CDHR5: variants seen among roughly 807,000 people sequenced by gnomAD.
CDHR5 encodes cadherin related family member 5.
CDHR5 carries 82 observed loss-of-function variants against 69.5 expected under a neutral mutation model. The ratio of observed to expected loss-of-function variants is 1.18; its 90% CI spans 0.99 to 1.42. CDHR5 has a LOEUF of 1.42. Among genes scored for constraint, CDHR5 ranks in the 40% most tolerant of loss-of-function variants. The probability of loss-of-function intolerance (pLI) is 0.00; values close to 1 mark genes in which losing one functional copy is unlikely to be tolerated. For synonymous variants in CDHR5, 601 were observed against 510.2 expected (o/e 1.18, Z -2.40); for missense variants, 1,293 against 1,168.9 (o/e 1.11, Z -1.55).
In CDHR5 at chr11:617,374, C is replaced by A; in HGVS notation, c.2515G>T (p.Gly839Cys). Residue 839 changes from glycine (G) to cysteine (C), a missense_variant, in exon 15 of 15, where the codon GGT becomes TGT. Coordinates refer to ENST00000397542, the MANE Select transcript of CDHR5 (RefSeq NM_021924.5). ...GRGGGPYDAP[G>C]GDDSYI ...ACTTAGATGTAGGAGTCATCACCACCGGGCGCATCGTAGGGACCCCCACCC... is the reference window on the plus strand; with the variant it reads ...ACTTAGATGTAGGAGTCATCACCACAGGGCGCATCGTAGGGACCCCCACCC... 6.2e-7 allele frequency: 1 copy of A among 1,608,190 alleles called. No individual in the cohort carries two copies. The highest frequency in any genetic ancestry group is 8.5e-7 in the Non-Finnish European group (1 of 1,177,058).
chr11:620,329 T>C lies in CDHR5; in HGVS notation c.847A>G (p.Ile283Val), dbSNP rs766680767. ...ATGCTGTAGATGATGGGCTGGTTGATGCCGCGGTCTCCGTCCTCAGCGTAG... is the reference window on the plus strand; with the variant it reads ...ATGCTGTAGATGATGGGCTGGTTGACGCCGCGGTCTCCGTCCTCAGCGTAG... The part of the protein sequence containing the change: ...PIYAEDGDRG[I>V]NQPIIYSIFR... Residue 283 changes from isoleucine to valine, a missense_variant, in exon 8 of 15, where the codon ATC (isoleucine) becomes GTC (valine). Transcript: ENST00000397542. The C allele has an allele frequency of 5.6e-6, 9 of 1,612,732 alleles. No homozygotes were observed. The Admixed American group carries it at 1.5e-4, about 27-fold the overall frequency.
rs764016481 is a variant in CDHR5, at chr11:619,151, T to C, written c.1408A>G (p.Thr470Ala). The C allele has an allele frequency of 6.4e-7, 1 of 1,565,964 alleles. No individual in the cohort carries two copies. Among genetic ancestry groups the C allele is most frequent in the African/African-American group, 1.4e-5 (1 of 73,312 alleles). The change falls in exon 13 of 15, where the codon ACA (threonine) becomes GCA (alanine). Residue 470 changes from threonine to alanine, a missense_variant. Transcript: ENST00000397542. ...DVPPSPEAGG[T>A]TGPWTSTTSE... ...GTGGTGCTGGTCCAGGGCCCAGTTG[T>C]TCCTCCAGCCTCTGGGGATGGGGGG...
Position 624,443 on chromosome 11 carries a change from T to G in CDHR5, c.261+114A>C. 2 of 1,074,036 alleles carry G rather than the reference T, an allele frequency of 1.9e-6. No homozygotes were observed. Among genetic ancestry groups the G allele is most frequent in the Non-Finnish European group, 2.9e-6 (2 of 696,696 alleles). 66.5% of individuals were successfully genotyped at this position (1,074,036 alleles called of 1,614,324 possible). A position where few individuals can be genotyped will look rare whatever the true frequency, so the allele number is the denominator to read the frequency against. ...TAGGGCAGGCACCACCAAGCATGGG[T>G]GTCAGTGGATGCCCGCAGGCATAGA... On this transcript the variant is annotated intron_variant, in intron 2 of 14. Transcript: ENST00000397542. The surrounding 1 kb of genome is among the most constrained non-coding windows in gnomAD (Gnocchi z 5.3).
chr11:617,987 G>T lies in CDHR5; in HGVS notation c.2085C>A (p.Gly695=), dbSNP rs1857079087. The change falls in exon 14 of 15, where the codon GGC becomes GGA. Residue 695 remains glycine, a synonymous_variant. Transcript: ENST00000397542. The part of the protein sequence containing the change: ...GLAVLVHKHY[G]PRLKCCCGKA... ...TGCCACAGCAGCACTTGAGCCGGGG[G>T]CCATAGTGCTTGTGGACAAGGACGG... is the stretch of plus-strand genomic sequence containing the variant. 3 of 1,612,102 alleles carry T rather than the reference G, an allele frequency of 1.9e-6. No homozygotes were observed. The highest frequency in any genetic ancestry group is 1.3e-5 in the African/African-American group (1 of 74,882).
chr11:619,500 C>G lies in CDHR5; in HGVS notation c.1267G>C (p.Ala423Pro). 1 of 1,613,634 alleles carries G rather than the reference C, an allele frequency of 6.2e-7. No homozygotes were observed. Among genetic ancestry groups the G allele is most frequent in the South Asian group, 1.1e-5 (1 of 91,068 alleles). Reference protein sequence around the residue: ...GEVVLTTTTLAQAGAFYAEVE... With the variant: ...GEVVLTTTTLPQAGAFYAEVE... ...TCTGCGTAGAAGGCTCCCGCCTGTG[C>G]CAGTGTGGTGGTGGTCAGCACAACC... The change falls in exon 11 of 15, where the codon GCA (alanine) becomes CCA (proline). Residue 423 changes from alanine to proline, a missense_variant. By Grantham distance (27) the Ala-to-Pro change is conservative. Coordinates refer to ENST00000397542, the MANE Select transcript of CDHR5 (RefSeq NM_021924.5).
Position 617,786 on chromosome 11 carries a change from G to A in CDHR5, c.2119-16C>T, listed in dbSNP as rs1050571021. On this transcript the variant is annotated splice_polypyrimidine_tract_variant and intron_variant, in intron 14 of 14. Coordinates refer to ENST00000397542, the MANE Select transcript of CDHR5 (RefSeq NM_021924.5). The stretch of plus-strand genomic sequence containing the variant: ...GCTGGGGCTCCTGCAGGCGGGAGTC[G>A]AGGCGTCAGCGGGGTCCCTGGGTCT... 17 of 1,448,444 alleles carry A rather than the reference G, an allele frequency of 1.2e-5. No individual in the cohort carries two copies. The highest frequency in any genetic ancestry group is 5.0e-5 in the East Asian group (2 of 40,292). 89.7% of individuals were successfully genotyped at this position (1,448,444 alleles called of 1,614,324 possible).
In CDHR5 at chr11:621,242, CG is replaced by C; in HGVS notation, c.626del (p.Pro209ArgfsTer15). The C allele has an allele frequency of 6.3e-7, 1 of 1,599,400 alleles. No individual in the cohort carries two copies. Among genetic ancestry groups the C allele is most frequent in the East Asian group, 2.2e-5 (1 of 44,702 alleles). ...MTFWLLVRDT[P>X]GENVEPSHTA... is the part of the protein sequence containing the mutation. ...TGTGGCTGGGTTCCACATTCTCCCC[CG>C]GAGTGTCCTGCAACAGACGGCTGTG... On this transcript the variant is annotated frameshift_variant, in exon 7 of 15. Transcript: ENST00000397542. LOFTEE classifies it high-confidence loss of function. This position sits in a 1 kb window ranked among gnomAD's most constrained non-coding sequence, Gnocchi z 4.4.
rs201483927 is a variant in CDHR5, at chr11:617,627, G to C, written c.2262C>G (p.Ser754=). 4.8e-4 allele frequency: 770 copies of C among 1,588,538 alleles called. 6 individuals carry two copies. The Middle Eastern group carries it at 0.015, about 32-fold the overall frequency. Residue 754 remains serine (S), a synonymous_variant, in exon 15 of 15, where the codon TCC becomes TCG. Transcript: ENST00000397542. ...PAEPAPPGPA[S]PGGAPEPPAA... is the part of the protein sequence containing the mutation. The stretch of plus-strand genomic sequence containing the variant: ...CGGGGGGCTCAGGGGCACCGCCTGG[G>C]GAGGCAGGGCCGGGGGGTGCGGGCT...
Position 621,364 on chromosome 11 carries a change from G to T in CDHR5, c.599C>A (p.Thr200Asn). The T allele has an allele frequency of 6.2e-7, 1 of 1,613,254 alleles. No homozygotes were observed. The highest frequency in any genetic ancestry group is 1.3e-5 in the African/African-American group (1 of 75,060). Residue 200 changes from threonine to asparagine, a missense_variant, in exon 6 of 15, where the codon ACC becomes AAC. Physicochemically the swap from Thr to Asn is moderately conservative, Grantham distance 65 (BLOSUM62 0). Coordinates refer to ENST00000397542, the MANE Select transcript of CDHR5 (RefSeq NM_021924.5). This position sits in a 1 kb window ranked among gnomAD's most constrained non-coding sequence, Gnocchi z 4.4. ...PLDFYERPNM[T>N]FWLLVRDTPG... is the part of the protein sequence containing the mutation. ...GCTCACCCGCACCAGCAGCCAGAAG[G>T]TCATGTTCGGCCGCTCGTAGAAGTC...
intron 13 of CDHR5, 37 bp downstream of exon 13, chr11:618,562 C>A (rs200475440): frequency 1.2e-6 from 2 of 1,608,618 alleles, no homozygotes; most frequent in Non-Finnish European, 8.5e-7. Flanking sequence ...AGCCAATGAC[C>A]GGAGTCAGGG....
Position 620,131 on chromosome 11 carries a change from T to C in CDHR5, c.914A>G (p.Asp305Gly). Residue 305 changes from aspartate to glycine, a missense_variant, in exon 9 of 15, where the codon GAC (aspartate) becomes GGC (glycine). Asp to Gly is a moderately conservative substitution (Grantham distance 94). Coordinates refer to ENST00000397542, the MANE Select transcript of CDHR5 (RefSeq NM_021924.5). ...NVNGTFIIHPDSGNLTVARSV... is the reference protein window; with the variant it reads ...NVNGTFIIHPGSGNLTVARSV... Reference sequence around the variant, plus strand: ...CCTGGCCACGGTGAGGTTGCCCGAGTCTGGGTGGATGATGAATGTACCATT... The same window carrying C: ...CCTGGCCACGGTGAGGTTGCCCGAGCCTGGGTGGATGATGAATGTACCATT... 1 of 1,612,620 alleles carries C rather than the reference T, an allele frequency of 6.2e-7. No individual in the cohort carries two copies. The highest frequency in any genetic ancestry group is 1.1e-5 in the South Asian group (1 of 90,984).
At position 620,387 on chromosome 11, in the gene CDHR5, C is replaced by A; in HGVS notation, c.790-1G>T. On this transcript the variant is annotated splice_acceptor_variant, in intron 7 of 14. Coordinates refer to ENST00000397542, the MANE Select transcript of CDHR5 (RefSeq NM_021924.5). LOFTEE classifies it high-confidence loss of function. ...CGGGACGCAGGACGAGGGGAGATGG[C>A]TTCAGGGATGGCGGAAGGGAGGGCA... The A allele has an allele frequency of 6.3e-7, 1 of 1,597,856 alleles. No individual in the cohort carries two copies. The highest frequency in any genetic ancestry group is 8.6e-7 in the Non-Finnish European group (1 of 1,169,266).
rs750776248 is a variant in CDHR5 at position 617,348 on chromosome 11, C to G, written c.*3G>C. On this transcript the variant is annotated 3_prime_UTR_variant, in exon 15 of 15. Transcript: ENST00000397542. ...CGGCTGGGGGAGAGGGTGGAGGGGC[C>G]ACTTAGATGTAGGAGTCATCACCAC... 3.1e-6 allele frequency: 5 copies of G among 1,588,488 alleles called. No homozygotes were observed. In the East Asian group the frequency reaches 1.1e-4, roughly 36 times the overall value.
chr11:619,241 G>T, intron 12 of CDHR5, 61 bp from the exon 13 acceptor site: 6 of 1,481,710 alleles, frequency 4.0e-6, no homozygotes, highest in South Asian at 1.2e-5. Flanking sequence ...CCTACCGCGG[G>T]AAAGGAGCCA....
Position 619,784 on chromosome 11 carries a change from T to C in CDHR5, c.1076A>G (p.Tyr359Cys), listed in dbSNP as rs1176430248. The change falls in exon 10 of 15, where the codon TAT becomes TGT. Residue 359 changes from tyrosine to cysteine, a missense_variant. Physicochemically the swap from Tyr to Cys is radical, Grantham distance 194. Coordinates refer to ENST00000397542, the MANE Select transcript of CDHR5 (RefSeq NM_021924.5). ...AGCGCCACGCGCCACGGTGCCACGATACAGTCTCTGGGGGAAGCGGGGCGG... is the reference window on the plus strand; with the variant it reads ...AGCGCCACGCGCCACGGTGCCACGACACAGTCTCTGGGGGAAGCGGGGCGG... ...GSPPRFPQRL[Y>C]RGTVARGAGA... 6.2e-7 allele frequency: 1 copy of C among 1,609,760 alleles called. No homozygotes were observed. The highest frequency in any genetic ancestry group is 8.5e-7 in the Non-Finnish European group (1 of 1,179,496).
In CDHR5 at chr11:617,705, G is replaced by A. The variant is rs114976644; in HGVS notation, c.2184C>T (p.Pro728=). 1,752 of 1,460,604 alleles carry A rather than the reference G, an allele frequency of 1.2e-3. 12 individuals carry two copies. The African/African-American group carries it at 0.016, about 14-fold the overall frequency. The allele number at this position is 1,460,604 out of a possible 1,614,324, so 90.5% of individuals were successfully genotyped here. Residue 728 remains proline, a synonymous_variant, in exon 15 of 15, where the codon CCC becomes CCT. Coordinates refer to ENST00000397542, the MANE Select transcript of CDHR5 (RefSeq NM_021924.5). ...TGGGGTCGTGCGTGGGGCTGGGGAC[G>A]GGCGCCCAGTTGGCCTTGTGGTCAG... ...FLPDHKANWA[P]VPSPTHDPKP...
In CDHR5 at chr11:617,985, G is replaced by C. The variant is rs1278486771; in HGVS notation, c.2087C>G (p.Pro696Arg). The change falls in exon 14 of 15, where the codon CCC becomes CGC. Residue 696 changes from proline (P) to arginine (R), a missense_variant. Pro to Arg is a moderately radical substitution (Grantham distance 103). Coordinates refer to ENST00000397542, the MANE Select transcript of CDHR5 (RefSeq NM_021924.5). ...TTTGCCACAGCAGCACTTGAGCCGGGGGCCATAGTGCTTGTGGACAAGGAC... is the reference window on the plus strand; with the variant it reads ...TTTGCCACAGCAGCACTTGAGCCGGCGGCCATAGTGCTTGTGGACAAGGAC... ...LAVLVHKHYG[P>R]RLKCCCGKAP... 1.9e-6 allele frequency: 3 copies of C among 1,612,170 alleles called. No individual in the cohort carries two copies. The highest frequency in any genetic ancestry group is 4.5e-5 in the East Asian group (2 of 44,862).
rs762185190 is a variant in CDHR5, at chr11:617,960, T to C, written c.2112A>G (p.Lys704=). The C allele has an allele frequency of 2.5e-6, 4 of 1,611,210 alleles. No homozygotes were observed. The Admixed American group carries it at 5.0e-5, about 20-fold the overall frequency. Residue 704 remains lysine (K), a synonymous_variant, in exon 14 of 15, where the codon AAA becomes AAG. Coordinates refer to ENST00000397542, the MANE Select transcript of CDHR5 (RefSeq NM_021924.5). The part of the protein sequence containing the change: ...YGPRLKCCCG[K]APEPQPQGFD... ...TCTCCATCCTGGGCCTCACCGGAGC[T>C]TTGCCACAGCAGCACTTGAGCCGGG... is the stretch of plus-strand genomic sequence containing the variant.
In CDHR5 at chr11:619,456, G is replaced by C; in HGVS notation, c.1293+18C>G. The C allele has an allele frequency of 6.2e-7, 1 of 1,606,242 alleles. No homozygotes were observed. Among genetic ancestry groups the C allele is most frequent in the South Asian group, 1.1e-5 (1 of 90,916 alleles). On this transcript the variant is annotated intron_variant, in intron 11 of 14. Coordinates refer to ENST00000397542, the MANE Select transcript of CDHR5 (RefSeq NM_021924.5). Reference sequence around the variant, plus strand: ...AAGCCCCACACCCTTGGAGATGCCCGCCTGCCCTGCCCCGCACCTCTGCGT... The same window carrying C: ...AAGCCCCACACCCTTGGAGATGCCCCCCTGCCCTGCCCCGCACCTCTGCGT...
Sources: allele counts gnomAD v4.1 joint callset, GRCh38; gene constraint gnomAD v4.1.1; non-coding constraint Gnocchi (gnomAD v3.1); transcripts MANE v1.5; gene names NCBI Gene and HGNC (gene_info 2026-07-23, HGNC 2026-07-21).